The following PPP4R1 variants were observed in gnomAD, a reference collection of about 807,000 sequenced individuals.
The protein encoded by PPP4R1 is serine/threonine-protein phosphatase 4 regulatory subunit 1.
In PPP4R1, 42 loss-of-function variants were observed where a neutral mutation model predicts 111.2. The observed-to-expected ratio is 0.38, with a 90% CI of 0.29 to 0.49. The LOEUF (loss-of-function observed/expected upper bound fraction) is 0.49. Among genes scored for constraint, PPP4R1 ranks in the 20% least tolerant of loss-of-function variants. The pLI is 0.97. For synonymous variants in PPP4R1, 409 were observed against 405.5 expected (o/e 1.01, Z -0.10); for missense variants, 1,012 against 1,161.6 (o/e 0.87, Z 1.87).
chr18:9,588,344 CA>C (rs2067155083), intron 5 of PPP4R1, 109 bp from the exon 6 acceptor site: 2 of 1,099,226 alleles, frequency 1.8e-6, no homozygotes, highest in East Asian at 5.1e-5. Context: ...CCATAACTGG[CA>C]AAACTCCGCA....
rs373387694 is a variant in PPP4R1, at chr18:9,614,202, C to A, written c.52+24G>T. On this transcript the variant is annotated intron_variant, in intron 2 of 19. Transcript: ENST00000400556. The surrounding 1 kb of genome is among the most constrained non-coding windows in gnomAD (Gnocchi z 4.1). ...CGGCCGCTCCCCGCGGACTGCCAGGCCACCGCGAGGCCGGGCCACTCACAT... is the reference window on the plus strand; with the variant it reads ...CGGCCGCTCCCCGCGGACTGCCAGGACACCGCGAGGCCGGGCCACTCACAT... The A allele has an allele frequency of 3.0e-4, 400 of 1,351,908 alleles. 3 individuals carry two copies. In the African/African-American group the frequency reaches 4.0e-3, roughly 14 times the overall value. 83.7% of individuals were successfully genotyped at this position (1,351,908 alleles called of 1,614,324 possible).
chr18:9,560,435 G>A (rs1273828132), intron 13 of PPP4R1, among the ~76,000 whole-genome samples: 7 of 152,080 alleles, frequency 4.6e-5, no homozygotes, highest in Non-Finnish European at 4.4e-5. Flanking sequence ...AGCTGTGGAA[G>A]GATATAAAAG....
intron 10 of PPP4R1, among the ~76,000 whole-genome samples, chr18:9,571,811 A>G (rs2066866587): frequency 6.6e-6 from 1 of 152,256 alleles, no homozygotes. Context: ...ATATCACATG[A>G]ACCACTGTAT....
At chr18:9,563,004 T>C in intron 12 of PPP4R1, 1 of 1,020,316 alleles carries the variant, frequency 9.8e-7, no homozygotes, top group Non-Finnish European at 1.2e-6. Flanking sequence ...GAATACTGTG[T>C]TGCTTGCTGC....
rs1190570606 is a variant in PPP4R1 at position 9,560,116 on chromosome 18, C to T, written c.1843-512G>A. Among the ~76,000 whole-genome samples, 4 of 151,980 alleles carry T rather than the reference C, an allele frequency of 2.6e-5. No homozygotes were observed. The East Asian group carries it at 7.8e-4, about 29-fold the overall frequency. On this transcript the variant is annotated intron_variant, in intron 13 of 19. Transcript: ENST00000400556. ...GCAACATGGTGAAACCCCGTCTCTA[C>T]AAAAAATTAAAAAATCAGCCAGGTA... is the stretch of plus-strand genomic sequence containing the variant.
chr18:9,593,958 A>C, intron 3 of PPP4R1, 84 bp from the exon 4 acceptor site: 1 of 1,052,268 alleles, frequency 9.5e-7, no homozygotes, highest in Non-Finnish European at 1.4e-6. Flanking sequence ...ACAGGGCCTC[A>C]TTCCTGTTGC....
chr18:9,587,592 G>A (rs1231837085), intron 6 of PPP4R1: 1 of 152,116 alleles, frequency 6.6e-6, no homozygotes, highest in East Asian at 1.9e-4. Flanking sequence ...TTTTAGTAGA[G>A]ATGGGGTTTT....
In PPP4R1 at chr18:9,595,120, A is replaced by G. The variant is rs779312540; in HGVS notation, c.86T>C (p.Val29Ala). ...GTCCAGGGCTGAAGGTATAATAATCACATCAGACTCTGAGCTGTAGTCATC... is the reference window on the plus strand; with the variant it reads ...GTCCAGGGCTGAAGGTATAATAATCGCATCAGACTCTGAGCTGTAGTCATC... ...GVDDYSSESD[V>A]IIIPSALDFV... Residue 29 changes from valine to alanine, a missense_variant, in exon 3 of 20, where the codon GTG (valine) becomes GCG (alanine). Transcript: ENST00000400556. The G allele has an allele frequency of 2.5e-6, 4 of 1,613,814 alleles. No individual in the cohort carries two copies. In the African/African-American group the frequency reaches 5.3e-5, roughly 22 times the overall value.
At chr18:9,592,621 C>T (rs1431818466) in intron 4 of PPP4R1, among the ~76,000 whole-genome samples, 1 of 150,306 alleles carries the variant, frequency 6.7e-6, no homozygotes, top group Non-Finnish European at 1.5e-5. Flanking sequence ...GAGACATTTA[C>T]TATGAATTTA....
chr18:9,588,163 T>G lies in PPP4R1; in HGVS notation c.511A>C (p.Thr171Pro). The G allele has an allele frequency of 6.2e-7, 1 of 1,614,150 alleles. No homozygotes were observed. Among genetic ancestry groups the G allele is most frequent in the Non-Finnish European group, 8.5e-7 (1 of 1,180,014 alleles). Residue 171 changes from threonine (T) to proline (P), a missense_variant, in exon 6 of 20, where the codon ACC becomes CCC. Thr to Pro is a conservative substitution (Grantham distance 38). Around this residue, in one of 2 missense-constraint regions of PPP4R1, gnomAD observed 707 missense variants for 742.1 expected, o/e 0.95. Transcript: ENST00000400556. ...QELIERFDVE[T>P]KVCPVLIELT... The stretch of plus-strand genomic sequence containing the variant: ...TCTATGAGGACAGGGCACACTTTGG[T>G]CTCCACATCAAATCGTTCAATGAGC...
At chr18:9,577,223 A>C in intron 9 of PPP4R1, 32 bp from the exon 10 acceptor site, 2 of 1,576,956 alleles carry the variant, frequency 1.3e-6, no homozygotes, top group Non-Finnish European at 8.6e-7. Flanking sequence ...TAATAAAGGA[A>C]TCATTTTGAA....
chr18:9,568,871 C>T (rs1248970107), intron 11 of PPP4R1, among the ~76,000 whole-genome samples: 1 of 152,084 alleles, frequency 6.6e-6, no homozygotes, highest in African/African-American at 2.4e-5. Flanking sequence ...CCTGTCTCTA[C>T]TAAAAATACA....
At chr18:9,586,794 T>C (rs1421875631) in intron 6 of PPP4R1, among the ~76,000 whole-genome samples, 2 of 152,182 alleles carry the variant, frequency 1.3e-5, no homozygotes, top group African/African-American at 4.8e-5. Flanking sequence ...TTATCACTTT[T>C]CTAATTTACC....
Position 9,594,802 on chromosome 18 carries a change from A to ATTTTT in PPP4R1, c.188+211_188+215dup, listed in dbSNP as rs71168074. 1.3e-5 allele frequency: 5 copies of ATTTTT among 396,938 alleles called. No individual in the cohort carries two copies. The East Asian group carries it at 2.2e-4, about 17-fold the overall frequency. The allele number at this position is 396,938 out of a possible 1,614,324, so 24.6% of individuals were successfully genotyped here. A position where few individuals can be genotyped will look rare whatever the true frequency, so the allele number is the denominator to read the frequency against. ...AGAAAAGCAATGGTAATTAATGGTA[A>ATTTTT]TTTTTTTTTTTGCAAAGAAAGCATG... On this transcript the variant is annotated intron_variant, in intron 3 of 19. Coordinates refer to ENST00000400556, the MANE Select transcript of PPP4R1 (RefSeq NM_001042388.3).
chr18:9,550,584 C>A lies in PPP4R1; in HGVS notation c.2292-186G>T, dbSNP rs142372386. 5.2e-4 allele frequency: 337 copies of A among 644,190 alleles called. 1 individual carries two copies. The African/African-American group carries it at 5.8e-3, about 11-fold the overall frequency. 39.9% of individuals were successfully genotyped at this position (644,190 alleles called of 1,614,324 possible). A position where few individuals can be genotyped will look rare whatever the true frequency, so the allele number is the denominator to read the frequency against. On this transcript the variant is annotated intron_variant, in intron 16 of 19. Transcript: ENST00000400556. ...CAGTCTCTGTGTATCTGGAAATGCA[C>A]TTACATGCTATTCAAGTTCCTTAGA... is the stretch of plus-strand genomic sequence containing the variant.
intron 2 of PPP4R1, chr18:9,599,634 T>C: frequency 6.6e-6 from 1 of 152,200 alleles, no homozygotes; most frequent in East Asian, 1.9e-4. Flanking sequence ...GCAAAATACC[T>C]TATTAATTAT....
intron 15 of PPP4R1, among the ~76,000 whole-genome samples, chr18:9,554,573 A>C (rs1057000019): frequency 1.3e-5 from 2 of 152,148 alleles, no homozygotes; most frequent in Non-Finnish European, 2.9e-5. Context: ...TAATTAAAAA[A>C]AAAAGCATCA....
chr18:9,552,929 G>C (rs1368090008), intron 16 of PPP4R1, among the ~76,000 whole-genome samples: 1 of 152,192 alleles, frequency 6.6e-6, no homozygotes, highest in East Asian at 1.9e-4. Context: ...GACTCCACTT[G>C]CATGAAATGT....
intron 2 of PPP4R1, among the ~76,000 whole-genome samples, chr18:9,610,295 A>C (rs567826321): frequency 6.6e-6 from 1 of 152,244 alleles, no homozygotes; most frequent in East Asian, 1.9e-4. Context: ...ACATAATTAA[A>C]TATAAAAAGT....
Sources: gnomAD v4.1 joint callset for allele counts (sites outside exome capture counted in the v4.1 genomes callset) on GRCh38, gnomAD v4.1.1 for gene constraint, gnomAD v4.1.1 regional missense constraint, Gnocchi (gnomAD v3.1) non-coding constraint, MANE v1.5 for transcripts, NCBI Gene and HGNC (gene_info 2026-07-23, HGNC 2026-07-21) for gene names.